Variants in DPF3 observed in about 807,000 individuals in gnomAD.
DPF3 encodes double PHD fingers 3.
Under a neutral mutation model 56.8 loss-of-function variants are expected in DPF3, and 18 were observed. That is an observed-to-expected ratio of 0.32 (90% CI 0.22 to 0.47). The LOEUF (loss-of-function observed/expected upper bound fraction) is 0.47, where lower values mean the gene tolerates loss of function less well. Among genes scored for constraint, DPF3 ranks in the 20% least tolerant of loss-of-function variants. The probability of loss-of-function intolerance (pLI) is 1.00; values close to 1 mark genes in which losing one functional copy is unlikely to be tolerated. For synonymous variants in DPF3, 188 were observed against 180.2 expected (o/e 1.04, Z -0.35); for missense variants, 403 against 488.8 (o/e 0.82, Z 1.65).
chr14:72,751,839 G>A (rs1315219205), intron 3 of DPF3, among the ~76,000 whole-genome samples: 3 of 151,978 alleles, frequency 2.0e-5, no homozygotes, highest in Admixed American at 1.3e-4. Context: ...GCATCATGCT[G>A]TCTAGGAGAA....
chr14:72,674,932 T>C (rs376828388), intron 7 of DPF3, among the ~76,000 whole-genome samples: 1 of 152,200 alleles, frequency 6.6e-6, no homozygotes, highest in Non-Finnish European at 1.5e-5. Flanking sequence ...TGGTGGAGTA[T>C]CAATCTCCCT....
intron 1 of DPF3, among the ~76,000 whole-genome samples, chr14:72,824,561 T>TG (rs1555510674): frequency 1.1e-4 from 17 of 151,384 alleles, no homozygotes; most frequent in South Asian, 2.1e-4. Context: ...CTTTTTTTTT[T>TG]TTTGTTTGTT....
At chr14:72,880,092 C>A in intron 1 of DPF3, 1 of 857,152 alleles carries the variant, frequency 1.2e-6, no homozygotes, top group Non-Finnish European at 1.7e-6. Context: ...TCAGAACTAG[C>A]AGAACTAAAG....
chr14:72,893,013 A>AGGCAGGC lies in DPF3; in HGVS notation c.32+1043_32+1044insGCCTGCC, dbSNP rs1555517678. 1.5e-3 allele frequency among the ~76,000 whole-genome samples: 191 copies of AGGCAGGC among 126,952 alleles called. 9 individuals carry two copies. The highest frequency in any genetic ancestry group is 6.4e-3 in the South Asian group (24 of 3,736). The allele number at this position is 126,952 out of a possible 152,430, so 83.3% of individuals were successfully genotyped here. A position where few individuals can be genotyped will look rare whatever the true frequency, so the allele number is the denominator to read the frequency against. On this transcript the variant is annotated intron_variant, in intron 1 of 10. Transcript: ENST00000556509. ...GAAGGAAGGAAGGAAGGAAGGAAGG[A>AGGCAGGC]AGGAAGGAAGGATGAAAAGGAGGAG... is the stretch of plus-strand genomic sequence containing the variant.
intron 2 of DPF3, among the ~76,000 whole-genome samples, chr14:72,768,955 G>A (rs922777476): frequency 6.6e-6 from 1 of 151,758 alleles, no homozygotes; most frequent in South Asian, 2.1e-4. Flanking sequence ...GTGTGTGTGT[G>A]TGTGTGTGTG....
At chr14:72,644,154 C>T (rs994486620) in intron 8 of DPF3, among the ~76,000 whole-genome samples, 1 of 152,174 alleles carries the variant, frequency 6.6e-6, no homozygotes, top group Non-Finnish European at 1.5e-5. Flanking sequence ...AAAGAAGAAA[C>T]AGCAATTGCA....
chr14:72,637,344 G>A (rs1051073884), intron 8 of DPF3, among the ~76,000 whole-genome samples: 2 of 152,194 alleles, frequency 1.3e-5, no homozygotes, highest in African/African-American at 2.4e-5. Context: ...CAATTTACTC[G>A]ACTCAACTTG....
At position 72,789,251 on chromosome 14, in the gene DPF3, C is replaced by T. The variant is rs74451304; in HGVS notation, c.33-17358G>A. Among the ~76,000 whole-genome samples the T allele has an allele frequency of 2.1e-3, 314 of 152,256 alleles. 4 individuals carry two copies. The highest frequency in any genetic ancestry group is 0.017 in the East Asian group (88 of 5,166). On this transcript the variant is annotated intron_variant, in intron 1 of 10. Transcript: ENST00000556509. ...CCTCCCTGCTTAGAAACAGGAACCA[C>T]ATTTCATCTCCACAACAACCCTATG...
At chr14:72,664,567 C>A (rs1271393084) in intron 8 of DPF3, among the ~76,000 whole-genome samples, 1 of 152,006 alleles carries the variant, frequency 6.6e-6, no homozygotes, top group Non-Finnish European at 1.5e-5. Context: ...CAACCCCTCC[C>A]CACCCCTGTC....
intron 4 of DPF3, among the ~76,000 whole-genome samples, chr14:72,726,225 T>C (rs376408877): frequency 6.6e-6 from 1 of 152,342 alleles, no homozygotes; most frequent in South Asian, 2.1e-4. Flanking sequence ...TTTCCAGGTC[T>C]TGAAGTCACT....
chr14:72,756,822 C>CAGACAGAAAGAAAGAA (rs1555503961), intron 2 of DPF3, among the ~76,000 whole-genome samples: 1 of 70,008 alleles, frequency 1.4e-5, no homozygotes. Flanking sequence ...GAAAGAAAGA[C>CAGACAGAAAGAAAGAA]AGAAAGAAAG....
chr14:72,626,807 G>A (rs899582510), intron 9 of DPF3, among the ~76,000 whole-genome samples: 6 of 151,972 alleles, frequency 3.9e-5, no homozygotes, highest in Admixed American at 3.9e-4. Context: ...ATGTATGAAG[G>A]CACCATTTTT....
intron 1 of DPF3, among the ~76,000 whole-genome samples, chr14:72,882,202 C>A (rs1886351740): frequency 6.6e-6 from 1 of 152,176 alleles, no homozygotes. Context: ...CAGAAAAGAT[C>A]CTCAAAATTG....
At chr14:72,859,712 G>C (rs1019497192) in intron 1 of DPF3, among the ~76,000 whole-genome samples, 12 of 152,098 alleles carry the variant, frequency 7.9e-5, no homozygotes, top group Non-Finnish European at 1.8e-4. Context: ...CAAATACGGA[G>C]CCAGATGCTG....
chr14:72,702,668 T>C (rs187706515), intron 6 of DPF3, among the ~76,000 whole-genome samples: 1 of 152,122 alleles, frequency 6.6e-6, no homozygotes, highest in Admixed American at 6.5e-5. Flanking sequence ...CTACAACCAA[T>C]TCCCCCGAGC....
At chr14:72,671,682 T>C (rs1886684257) in intron 8 of DPF3, among the ~76,000 whole-genome samples, 1 of 152,232 alleles carries the variant, frequency 6.6e-6, no homozygotes, top group South Asian at 2.1e-4. Flanking sequence ...TGATTTTCAT[T>C]GGTGGTTTTT....
At chr14:72,722,413 T>A (rs1889213925) in intron 5 of DPF3, among the ~76,000 whole-genome samples, 1 of 152,210 alleles carries the variant, frequency 6.6e-6, no homozygotes, top group African/African-American at 2.4e-5. Flanking sequence ...AGCGGCCGCC[T>A]GGGAACTTGC....
intron 5 of DPF3, among the ~76,000 whole-genome samples, chr14:72,718,239 G>A (rs1889012992): frequency 6.6e-6 from 1 of 152,148 alleles, no homozygotes; most frequent in Non-Finnish European, 1.5e-5. Flanking sequence ...GCTCAAATTT[G>A]GGGCAGTGGC....
chr14:72,762,226 A>G (rs994088066), intron 2 of DPF3, among the ~76,000 whole-genome samples: 3 of 151,846 alleles, frequency 2.0e-5, no homozygotes, highest in African/African-American at 7.2e-5. Flanking sequence ...CCCAAACCAG[A>G]CAGACATTAC....
Sources: allele counts gnomAD v4.1 joint callset (sites outside exome capture counted in the v4.1 genomes callset), GRCh38; gene constraint gnomAD v4.1.1; transcripts MANE v1.5; gene names NCBI Gene and HGNC (gene_info 2026-07-23, HGNC 2026-07-21).